Variants in THSD4 observed in about 807,000 individuals in gnomAD.
THSD4 encodes the protein thrombospondin type-1 domain-containing protein 4.
In THSD4, 69 loss-of-function variants were observed where a neutral mutation model predicts 119.0. The observed-to-expected ratio is 0.58, with a 90% CI of 0.48 to 0.71. The LOEUF (loss-of-function observed/expected upper bound fraction) is 0.71, where lower values mean the gene tolerates loss of function less well. Ranked by LOEUF, THSD4 falls within the 30% of genes least tolerant of loss-of-function variation. The pLI is 0.00. For synonymous variants in THSD4, 524 were observed against 540.4 expected (o/e 0.97, Z 0.42); for missense variants, 1,393 against 1,391.1 (o/e 1.00, Z -0.02).
chr15:71,777,826 G>A lies in THSD4; in HGVS notation c.*452G>A, dbSNP rs1208260936. On this transcript the variant is annotated 3_prime_UTR_variant, in exon 18 of 18. Transcript: ENST00000261862. ...ACCCAGCGCCCCACTAAGCCTTGCT[G>A]ACACGCGTGCATCCCTCTGTGACCT... 2.7e-5 allele frequency: 5 copies of A among 184,896 alleles called. No individual in the cohort carries two copies. In the East Asian group the frequency reaches 6.2e-4, roughly 23 times the overall value. 11.5% of individuals were successfully genotyped at this position (184,896 alleles called of 1,614,324 possible).
chr15:71,556,102 T>C (rs1176492929), intron 7 of THSD4, among the ~76,000 whole-genome samples: 1 of 152,150 alleles, frequency 6.6e-6, no homozygotes, highest in East Asian at 1.9e-4. Context: ...TCTTTGGGAG[T>C]GTCTTAGTTA....
chr15:71,596,943 A>G (rs954975920), intron 7 of THSD4, among the ~76,000 whole-genome samples: 7 of 152,148 alleles, frequency 4.6e-5, no homozygotes, highest in African/African-American at 1.4e-4. Context: ...GCAGCCAAGG[A>G]ACATTGAAGC....
intron 6 of THSD4, among the ~76,000 whole-genome samples, chr15:71,406,881 G>A (rs970063728): frequency 3.2e-4 from 48 of 151,826 alleles, no homozygotes; most frequent in African/African-American, 1.1e-3. Flanking sequence ...ATAGGGTTTT[G>A]CCATGTTGGC....
intron 7 of THSD4, among the ~76,000 whole-genome samples, chr15:71,572,881 C>G (rs1430186685): frequency 1.3e-5 from 2 of 152,052 alleles, no homozygotes; most frequent in African/African-American, 4.8e-5. Context: ...GGGAGCCTGG[C>G]AGGGTTAGGT....
chr15:71,719,348 G>C (rs2052670707), intron 8 of THSD4, among the ~76,000 whole-genome samples: 1 of 151,736 alleles, frequency 6.6e-6, no homozygotes, highest in African/African-American at 2.4e-5. Flanking sequence ...AAGTGAATCT[G>C]ACTGAAAAAA....
In THSD4 at chr15:71,601,141, G is replaced by A. The variant is rs147936918; in HGVS notation, c.1153-59389G>A. 3.4e-3 allele frequency among the ~76,000 whole-genome samples: 525 copies of A among 152,318 alleles called. 3 individuals carry two copies. Among genetic ancestry groups the A allele is most frequent in the African/African-American group, 0.012 (513 of 41,560 alleles). On this transcript the variant is annotated intron_variant, in intron 7 of 17. Coordinates refer to ENST00000261862, the MANE Select transcript of THSD4 (RefSeq NM_024817.3). Reference sequence around the variant, plus strand: ...GAGATAATTAAATGATAAAATGAGTGCATGTTGGAAGCGAGATTTGAGTCC... The same window carrying A: ...GAGATAATTAAATGATAAAATGAGTACATGTTGGAAGCGAGATTTGAGTCC...
intron 8 of THSD4, among the ~76,000 whole-genome samples, chr15:71,688,334 G>A (rs955707516): frequency 1.3e-5 from 2 of 152,218 alleles, no homozygotes; most frequent in East Asian, 3.9e-4. Context: ...GTCATCACTG[G>A]GACCCAGACT....
intron 2 of THSD4, among the ~76,000 whole-genome samples, chr15:71,153,985 G>T (rs185409338): frequency 2.0e-5 from 3 of 152,134 alleles, no homozygotes; most frequent in Admixed American, 6.5e-5. Context: ...AAAGATCTAG[G>T]TTTTCCTCTG....
chr15:71,623,225 CAAT>C (rs2140931105), intron 7 of THSD4, among the ~76,000 whole-genome samples: 1 of 152,296 alleles, frequency 6.6e-6, no homozygotes, highest in South Asian at 2.1e-4. Flanking sequence ...ATGATTAAGA[CAAT>C]AACTAAGGTT....
At chr15:71,768,560 A>T (rs1373587244) in intron 16 of THSD4, among the ~76,000 whole-genome samples, 15 of 99,268 alleles carry the variant, frequency 1.5e-4, no homozygotes, top group Admixed American at 3.9e-4. Context: ...GCAGATCCTG[A>T]TTTTTTTTTT....
chr15:71,098,395 G>A (rs549685344), intron 1 of THSD4, among the ~76,000 whole-genome samples: 98 of 151,456 alleles, frequency 6.5e-4, no homozygotes, highest in African/African-American at 2.3e-3. Context: ...ATGGGATTTT[G>A]TAATTTTTGT....
At chr15:71,502,831 G>T (rs114045658) in intron 7 of THSD4, among the ~76,000 whole-genome samples, 1 of 152,170 alleles carries the variant, frequency 6.6e-6, no homozygotes, top group Admixed American at 6.5e-5. Context: ...TATAAATGAG[G>T]TCTTTCTGAC....
In THSD4 at chr15:71,618,244, A is replaced by G. The variant is rs2050353504; in HGVS notation, c.1153-42286A>G. ...TGCATGAATTGACAAGCAAAAGTTA[A>G]AGACAGAGGCACTTTCTAGTAAAAT... On this transcript the variant is annotated intron_variant, in intron 7 of 17. Transcript: ENST00000261862. Among the ~76,000 whole-genome samples the G allele has an allele frequency of 2.0e-5, 3 of 152,208 alleles. No individual in the cohort carries two copies. The South Asian group carries it at 6.2e-4, about 32-fold the overall frequency.
intron 7 of THSD4, among the ~76,000 whole-genome samples, chr15:71,553,728 A>G (rs951124497): frequency 6.6e-6 from 1 of 152,188 alleles, no homozygotes; most frequent in Non-Finnish European, 1.5e-5. Flanking sequence ...CTAAGTTTTT[A>G]TCAGGAGTGA....
intron 1 of THSD4, among the ~76,000 whole-genome samples, chr15:71,117,264 T>C (rs1467576565): frequency 6.6e-6 from 1 of 152,192 alleles, no homozygotes; most frequent in Non-Finnish European, 1.5e-5. Context: ...TATTTCTTAC[T>C]GGCTGTTAGC....
At chr15:71,414,002 G>C (rs998806341) in intron 7 of THSD4, among the ~76,000 whole-genome samples, 6 of 152,190 alleles carry the variant, frequency 3.9e-5, no homozygotes, top group Admixed American at 6.5e-5. Flanking sequence ...CTGAATACAG[G>C]TGCACACTGT....
At chr15:71,106,451 T>A (rs1596201311) in intron 1 of THSD4, among the ~76,000 whole-genome samples, 1 of 152,156 alleles carries the variant, frequency 6.6e-6, no homozygotes, top group Non-Finnish European at 1.5e-5. Flanking sequence ...GGGAGTTTTT[T>A]CAGATTTTCC....
intron 7 of THSD4, among the ~76,000 whole-genome samples, chr15:71,429,838 AGTT>A (rs913252377): frequency 4.6e-5 from 7 of 152,262 alleles, no homozygotes; most frequent in Admixed American, 3.3e-4. Context: ...ACTAAACAGT[AGTT>A]TCTCATTTTA....
chr15:71,118,832 A>AAG (rs1464020513), intron 1 of THSD4, among the ~76,000 whole-genome samples: 1 of 152,202 alleles, frequency 6.6e-6, no homozygotes, highest in Non-Finnish European at 1.5e-5. Flanking sequence ...GATTCAGGGG[A>AAG]AGCTCTGGCT....
Sources: gnomAD v4.1 joint callset for allele counts (sites outside exome capture counted in the v4.1 genomes callset) on GRCh38, gnomAD v4.1.1 for gene constraint, MANE v1.5 for transcripts, NCBI Gene and HGNC (gene_info 2026-07-23, HGNC 2026-07-21) for gene names.